Variants in DOCK1 observed in about 807,000 individuals in gnomAD.
DOCK1 encodes dedicator of cytokinesis protein 1.
In DOCK1, 138 loss-of-function variants were observed where a neutral mutation model predicts 262.7. That is an observed-to-expected ratio of 0.53 (90% CI 0.46 to 0.61). The LOEUF is 0.61. Among genes scored for constraint, DOCK1 ranks in the 20% least tolerant of loss-of-function variants. The pLI, the probability that DOCK1 is intolerant of heterozygous loss-of-function variation, is 0.00. For missense variants in DOCK1, 1,908 were observed against 2,370.7 expected, an observed-to-expected ratio of 0.80 and a Z score of 4.05; for synonymous variants, 866 against 867.4, an observed-to-expected ratio of 1.00 and a Z score of 0.03.
intron 1 of DOCK1, among the ~76,000 whole-genome samples, chr10:126,941,390 TTTAAC>T (rs1199441286): frequency 0.16 from 23,964 of 152,164 alleles, 2,430 homozygotes; most frequent in Middle Eastern, 0.23. Context: ...TGGTGCTAGT[TTTAAC>T]TTTAGTCTTT....
At chr10:127,019,028 C>A in intron 13 of DOCK1, 193 bp downstream of exon 13, 2 of 791,124 alleles carry the variant, frequency 2.5e-6, no homozygotes, top group South Asian at 1.9e-5. Context: ...CTCCCTGGCC[C>A]CCTGTACCCC....
At chr10:127,170,585 G>A (rs1430427542) in intron 27 of DOCK1, among the ~76,000 whole-genome samples, 1 of 152,098 alleles carries the variant, frequency 6.6e-6, no homozygotes, top group Non-Finnish European at 1.5e-5. Flanking sequence ...GAGCGCTGTC[G>A]GGGTTGCCAC....
intron 13 of DOCK1, among the ~76,000 whole-genome samples, chr10:127,022,696 G>A (rs897866356): frequency 6.6e-6 from 1 of 152,064 alleles, no homozygotes; most frequent in Admixed American, 6.5e-5. Context: ...TCGCCTGGCC[G>A]GTCCTCATTC....
chr10:126,982,205 T>C (rs933914627), intron 4 of DOCK1, among the ~76,000 whole-genome samples: 1 of 152,172 alleles, frequency 6.6e-6, no homozygotes, highest in African/African-American at 2.4e-5. Flanking sequence ...TTACTGTCCT[T>C]GAACCTGGGG....
intron 27 of DOCK1, among the ~76,000 whole-genome samples, chr10:127,149,345 C>T (rs1242723714): frequency 1.3e-5 from 2 of 152,182 alleles, no homozygotes; most frequent in Non-Finnish European, 2.9e-5. Context: ...TTTCGCTTGT[C>T]GTACTGGTGG....
intron 29 of DOCK1, among the ~76,000 whole-genome samples, chr10:127,280,550 A>G (rs1400622324): frequency 2.0e-5 from 3 of 152,208 alleles, no homozygotes; most frequent in Admixed American, 6.5e-5. Context: ...ATCCTTGACA[A>G]CTGCTGGGGA....
At chr10:126,969,205 C>A (rs2037906113) in intron 1 of DOCK1, among the ~76,000 whole-genome samples, 1 of 152,200 alleles carries the variant, frequency 6.6e-6, no homozygotes, top group Non-Finnish European at 1.5e-5. Context: ...GTATCCGGTC[C>A]TTATTTTGGC....
chr10:126,981,847 A>G (rs1323650583), intron 3 of DOCK1, 71 bp from the exon 4 acceptor site: 10 of 1,505,092 alleles, frequency 6.6e-6, no homozygotes, highest in Non-Finnish European at 8.1e-6. Context: ...CCTTTTTGGG[A>G]ACTATTGTTT....
At chr10:127,031,627 T>TTTTTTTG (rs756377585) in intron 16 of DOCK1, 23 bp from the exon 17 acceptor site, 15 of 1,567,582 alleles carry the variant, frequency 9.6e-6, no homozygotes, top group South Asian at 1.1e-5. Flanking sequence ...CAATCATCAA[T>TTTTTTTG]TTTTTTGTTT....
chr10:127,376,036 A>G (rs2065467781), intron 35 of DOCK1, among the ~76,000 whole-genome samples: 1 of 152,208 alleles, frequency 6.6e-6, no homozygotes, highest in African/African-American at 2.4e-5. Context: ...CTTTCAACGC[A>G]TTAGTACAAT....
intron 29 of DOCK1, among the ~76,000 whole-genome samples, chr10:127,314,194 A>G (rs573815214): frequency 6.6e-6 from 1 of 152,228 alleles, no homozygotes; most frequent in Non-Finnish European, 1.5e-5. Context: ...TCCTGAAAAC[A>G]GGAAAGGGCA....
At position 127,271,013 on chromosome 10, in the gene DOCK1, G is replaced by GTGTA. The variant is rs1292646392; in HGVS notation, c.3044+13590_3044+13593dup. 1.2e-3 allele frequency among the ~76,000 whole-genome samples: 177 copies of GTGTA among 150,736 alleles called. 2 individuals carry two copies. The highest frequency in any genetic ancestry group is 4.2e-3 in the African/African-American group (173 of 41,226). Reference sequence around the variant, plus strand: ...TATATGTGTGTATGTGTGTGTGTGTGTGTATGTATATATACACACACACAC... The same window carrying GTGTA: ...TATATGTGTGTATGTGTGTGTGTGTGTGTATGTATGTATATATACACACACACAC... On this transcript the variant is annotated intron_variant, in intron 29 of 51. Coordinates refer to ENST00000623213, the MANE Select transcript of DOCK1 (RefSeq NM_001290223.2).
intron 21 of DOCK1, among the ~76,000 whole-genome samples, chr10:127,043,711 G>A (rs1449374077): frequency 6.6e-6 from 1 of 152,210 alleles, no homozygotes; most frequent in East Asian, 1.9e-4. Flanking sequence ...GGCTATGCAT[G>A]GTGCCTGGGC....
intron 48 of DOCK1, among the ~76,000 whole-genome samples, chr10:127,435,388 T>C (rs2069616020): frequency 6.6e-6 from 1 of 152,214 alleles, no homozygotes; most frequent in African/African-American, 2.4e-5. Flanking sequence ...GATTGCCCTT[T>C]GTTGCCAACG....
rs117615883 is a variant in DOCK1 at position 127,303,842 on chromosome 10, G to C, written c.3045-35164G>C. Among the ~76,000 whole-genome samples the C allele has an allele frequency of 8.6e-3, 1,311 of 152,284 alleles. 36 individuals carry two copies. In the East Asian group the frequency reaches 0.11, roughly 12 times the overall value. ...CCACTGTACTCCAGCCTGGGCAACAGAGTGAGATCCTGTCTCAGAAAGAAA... is the reference window on the plus strand; with the variant it reads ...CCACTGTACTCCAGCCTGGGCAACACAGTGAGATCCTGTCTCAGAAAGAAA... On this transcript the variant is annotated intron_variant, in intron 29 of 51. Coordinates refer to ENST00000623213, the MANE Select transcript of DOCK1 (RefSeq NM_001290223.2).
chr10:127,344,546 G>A (rs1047976137), intron 31 of DOCK1: 4 of 152,104 alleles, frequency 2.6e-5, no homozygotes, highest in East Asian at 1.9e-4. Context: ...GCAATATCTC[G>A]ACTGTTCTAA....
intron 27 of DOCK1, among the ~76,000 whole-genome samples, chr10:127,142,587 A>G (rs2133311637): frequency 6.6e-6 from 1 of 152,294 alleles, no homozygotes; most frequent in South Asian, 2.1e-4. Context: ...ACCTGAGTCA[A>G]ACACAGGCTG....
chr10:127,200,269 G>A (rs2057392185), intron 27 of DOCK1, among the ~76,000 whole-genome samples: 2 of 152,088 alleles, frequency 1.3e-5, no homozygotes, highest in Admixed American at 1.3e-4. Context: ...AGACAGAGTG[G>A]GACATTCCCA....
intron 27 of DOCK1, among the ~76,000 whole-genome samples, chr10:127,194,229 G>A (rs1321369777): frequency 1.3e-5 from 2 of 152,214 alleles, no homozygotes; most frequent in Non-Finnish European, 2.9e-5. Context: ...TGATAGCTGT[G>A]CTAGACTTTT....
Sources: gnomAD v4.1 joint callset for allele counts (sites outside exome capture counted in the v4.1 genomes callset) on GRCh38, gnomAD v4.1.1 for gene constraint, MANE v1.5 for transcripts, NCBI Gene and HGNC (gene_info 2026-07-23, HGNC 2026-07-21) for gene names.